Variants in ENPP2 observed in about 807,000 individuals in gnomAD.
ENPP2 encodes ectonucleotide pyrophosphatase/phosphodiesterase 2, also known as autotaxin.
Under a neutral mutation model 120.2 loss-of-function variants are expected in ENPP2, and 51 were observed. That is an observed-to-expected ratio of 0.42 (90% CI 0.34 to 0.54). The LOEUF (loss-of-function observed/expected upper bound fraction) is 0.54. Among genes scored for constraint, ENPP2 ranks in the 20% least tolerant of loss-of-function variants. ENPP2 has a pLI of 0.04. For missense variants in ENPP2, 920 were observed against 1,066.5 expected (o/e 0.86, Z 1.91); for synonymous variants, 365 against 366.4 (o/e 1.00, Z 0.04).
intron 19 of ENPP2, chr8:119,578,374 A>C (rs1812494899): frequency 6.6e-6 from 1 of 152,142 alleles, no homozygotes; most frequent in Non-Finnish European, 1.5e-5. Context: ...TTTATAATGA[A>C]TTGTGAGACT....
chr8:119,586,154 T>G, intron 15 of ENPP2, 32 bp downstream of exon 15: 1 of 1,601,562 alleles, frequency 6.2e-7, no homozygotes, highest in South Asian at 1.1e-5. Context: ...GTTGTGGAAA[T>G]GAGAAACAGA....
At chr8:119,584,313 G>T (rs750231288) in intron 15 of ENPP2, among the ~76,000 whole-genome samples, 4 of 152,052 alleles carry the variant, frequency 2.6e-5, no homozygotes, top group Non-Finnish European at 5.9e-5. Context: ...CACCAAGTAG[G>T]GCACTTGTCA....
At chr8:119,621,049 T>C (rs917358826) in intron 4 of ENPP2, among the ~76,000 whole-genome samples, 1 of 152,246 alleles carries the variant, frequency 6.6e-6, no homozygotes, top group African/African-American at 2.4e-5. Context: ...CGACATGGTT[T>C]TCCTGCAGTA....
intron 2 of ENPP2, among the ~76,000 whole-genome samples, chr8:119,628,468 T>C (rs1816433376): frequency 6.6e-6 from 1 of 152,202 alleles, no homozygotes; most frequent in South Asian, 2.1e-4. Context: ...TGCAGTCCTT[T>C]TATTACAGGT....
rs192848985 is a variant in ENPP2, at chr8:119,647,295, C to T, written c.22-8768G>A. 1.8e-4 allele frequency among the ~76,000 whole-genome samples: 28 copies of T among 151,978 alleles called. No individual in the cohort carries two copies. The East Asian group carries it at 3.9e-3, about 21-fold the overall frequency. ...CAGGGGTGAGCCACTGCGCCCAGCC[C>T]GTCTGCAACCTCTTTTAAGGCAGCT... is the stretch of plus-strand genomic sequence containing the variant. On this transcript the variant is annotated intron_variant, in intron 1 of 25. Transcript: ENST00000427067.
rs747086548 is a variant in ENPP2, at chr8:119,593,859, A to G, written c.974T>C (p.Met325Thr). Residue 325 changes from methionine to threonine, a missense_variant and splice_region_variant, in exon 12 of 25, where the codon ATG becomes ACG. Met to Thr is a moderately conservative substitution (Grantham distance 81). Transcript: ENST00000075322. ...GHKYGPFGPEMTNPLREIDKI... is the reference protein window; with the variant it reads ...GHKYGPFGPETTNPLREIDKI... Reference sequence around the variant, plus strand: ...GTCGATTTCCCTCAGAGGATTTGTCATCTAGGAAAAAGAAGCAAGTTAGTC... The same window carrying G: ...GTCGATTTCCCTCAGAGGATTTGTCGTCTAGGAAAAAGAAGCAAGTTAGTC... 4 of 1,587,712 alleles carry G rather than the reference A, an allele frequency of 2.5e-6. No homozygotes were observed. In the Admixed American group the frequency reaches 5.0e-5, roughly 20 times the overall value.
At chr8:119,629,821 T>C (rs1431336898) in intron 2 of ENPP2, among the ~76,000 whole-genome samples, 1 of 151,324 alleles carries the variant, frequency 6.6e-6, no homozygotes, top group Non-Finnish European at 1.5e-5. Context: ...CAGAAAAAAA[T>C]AGAGAAAGTC....
intron 24 of ENPP2, among the ~76,000 whole-genome samples, chr8:119,558,102 G>A (rs527474661): frequency 6.6e-6 from 1 of 152,224 alleles, no homozygotes; most frequent in Non-Finnish European, 1.5e-5. Context: ...CCCAAGGAAA[G>A]TGAAGAACTT....
At chr8:119,593,615 T>C (rs1813688983) in intron 12 of ENPP2, 137 bp downstream of exon 12, 1 of 636,768 alleles carries the variant, frequency 1.6e-6, no homozygotes, top group Non-Finnish European at 2.8e-6. Context: ...ATGGCCTGAT[T>C]TCTATCCCCA....
chr8:119,598,906 G>T (rs1419206514), intron 11 of ENPP2, among the ~76,000 whole-genome samples: 1 of 152,136 alleles, frequency 6.6e-6, no homozygotes, highest in African/African-American at 2.4e-5. Context: ...TAAAAGGATG[G>T]CTATACCAAT....
At chr8:119,655,520 T>A (rs890036380) in intron 1 of ENPP2, among the ~76,000 whole-genome samples, 1 of 152,248 alleles carries the variant, frequency 6.6e-6, no homozygotes, top group African/African-American at 2.4e-5. Flanking sequence ...GAACCCTCTC[T>A]GGACCTTCAT....
chr8:119,651,884 G>A (rs1048015870), intron 1 of ENPP2, among the ~76,000 whole-genome samples: 1 of 152,188 alleles, frequency 6.6e-6, no homozygotes, highest in Non-Finnish European at 1.5e-5. Context: ...GTTCAATACA[G>A]ATTTAGTAAG....
At chr8:119,562,477 A>G (rs1814045483) in intron 24 of ENPP2, among the ~76,000 whole-genome samples, 1 of 152,202 alleles carries the variant, frequency 6.6e-6, no homozygotes, top group Admixed American at 6.5e-5. Flanking sequence ...AACATCCAGA[A>G]AAGTGAAGTG....
intron 19 of ENPP2, among the ~76,000 whole-genome samples, chr8:119,579,549 T>C (rs1012423276): frequency 6.9e-6 from 1 of 144,520 alleles, no homozygotes; most frequent in African/African-American, 2.7e-5. Context: ...AAACGCCTCT[T>C]AGTACAAATC....
At chr8:119,594,437 T>C (rs972689014) in intron 11 of ENPP2, among the ~76,000 whole-genome samples, 5 of 152,242 alleles carry the variant, frequency 3.3e-5, no homozygotes, top group Non-Finnish European at 7.3e-5. Context: ...CTTCTCACTT[T>C]AGTTCTTTTA....
intron 21 of ENPP2, among the ~76,000 whole-genome samples, chr8:119,568,885 C>T (rs961511224): frequency 1.3e-5 from 2 of 152,322 alleles, no homozygotes; most frequent in Non-Finnish European, 2.9e-5. Flanking sequence ...TTTGGGATTA[C>T]AATGGTGGCT....
intron 2 of ENPP2, among the ~76,000 whole-genome samples, chr8:119,631,761 C>A (rs1320248282): frequency 2.0e-5 from 3 of 152,114 alleles, no homozygotes; most frequent in Non-Finnish European, 4.4e-5. Flanking sequence ...AGGAGTTCTG[C>A]AATCCACCTT....
At chr8:119,669,346 T>C (rs1818173372) in intron 1 of ENPP2, among the ~76,000 whole-genome samples, 1 of 152,376 alleles carries the variant, frequency 6.6e-6, no homozygotes, top group Admixed American at 6.5e-5. Context: ...AGTATAACCA[T>C]GTTTCAGGTG....
chr8:119,601,308 T>C, intron 10 of ENPP2, 89 bp downstream of exon 10: 4 of 883,492 alleles, frequency 4.5e-6, no homozygotes, highest in Non-Finnish European at 7.4e-6. Context: ...AAACATTGGC[T>C]GTGCTTCTAT....
Sources: allele counts gnomAD v4.1 joint callset (sites outside exome capture counted in the v4.1 genomes callset), GRCh38; gene constraint gnomAD v4.1.1; transcripts MANE v1.5; gene names NCBI Gene and HGNC (gene_info 2026-07-23, HGNC 2026-07-21).